Variants in ARHGAP28 observed in about 807,000 individuals in gnomAD.
ARHGAP28 encodes the protein Rho GTPase activating protein 28.
Under a neutral mutation model 90.7 loss-of-function variants are expected in ARHGAP28, and 56 were observed. The ratio of observed to expected loss-of-function variants is 0.62; its 90% CI spans 0.50 to 0.77. The LOEUF (loss-of-function observed/expected upper bound fraction) is 0.77, where lower values mean the gene tolerates loss of function less well. ARHGAP28 is among the 30% of genes least tolerant of loss of function. ARHGAP28 has a pLI of 0.00. For synonymous variants in ARHGAP28, 308 were observed against 323.3 expected, an observed-to-expected ratio of 0.95 and a Z score of 0.51; for missense variants, 869 against 900.9, an observed-to-expected ratio of 0.96 and a Z score of 0.45.
chr18:6,732,588 T>C (rs2055891860), intron 1 of ARHGAP28, among the ~76,000 whole-genome samples: 1 of 152,220 alleles, frequency 6.6e-6, no homozygotes, highest in African/African-American at 2.4e-5. Flanking sequence ...TCATGGGGGC[T>C]GCTGTGCTTG....
chr18:6,748,537 A>T (rs2056043484), intron 1 of ARHGAP28, among the ~76,000 whole-genome samples: 2 of 152,138 alleles, frequency 1.3e-5, no homozygotes, highest in South Asian at 4.1e-4. Flanking sequence ...TGTGGCTTGG[A>T]TGTTTCTGGC....
intron 5 of ARHGAP28, among the ~76,000 whole-genome samples, chr18:6,861,789 C>T (rs1278067380): frequency 2.0e-5 from 3 of 152,144 alleles, no homozygotes; most frequent in East Asian, 1.9e-4. Flanking sequence ...TTCTTCGCAT[C>T]GTTGGTTCAT....
intron 1 of ARHGAP28, among the ~76,000 whole-genome samples, chr18:6,763,179 C>T (rs2056175274): frequency 6.6e-6 from 1 of 152,074 alleles, no homozygotes; most frequent in African/African-American, 2.4e-5. Context: ...CAACTTCTGC[C>T]TCAAGCGATT....
Position 6,848,131 on chromosome 18 carries a change from G to A in ARHGAP28, c.544-2903G>A, listed in dbSNP as rs116642470. Among the ~76,000 whole-genome samples, 610 of 152,202 alleles carry A rather than the reference G, an allele frequency of 4.0e-3. 4 individuals are homozygous for A. Among genetic ancestry groups the A allele is most frequent in the African/African-American group, 0.014 (572 of 41,510 alleles). On this transcript the variant is annotated intron_variant, in intron 3 of 17. Transcript: ENST00000383472. Reference sequence around the variant, plus strand: ...TCATATTGTTTGCACAAAGAGTTTAGGATCCATGAGCCAGTCATAACATTG... The same window carrying A: ...TCATATTGTTTGCACAAAGAGTTTAAGATCCATGAGCCAGTCATAACATTG...
At chr18:6,785,439 T>C (rs1347806281) in intron 1 of ARHGAP28, among the ~76,000 whole-genome samples, 2 of 152,320 alleles carry the variant, frequency 1.3e-5, no homozygotes, top group East Asian at 3.9e-4. Flanking sequence ...GTTCCTTCTT[T>C]CCACCTCCAA....
At chr18:6,749,407 G>A (rs2056050820) in intron 1 of ARHGAP28, among the ~76,000 whole-genome samples, 1 of 152,144 alleles carries the variant, frequency 6.6e-6, no homozygotes, top group Non-Finnish European at 1.5e-5. Context: ...TGCTTTGATT[G>A]CATATAACCT....
At chr18:6,743,898 A>G (rs1454074627) in intron 1 of ARHGAP28, among the ~76,000 whole-genome samples, 2 of 152,216 alleles carry the variant, frequency 1.3e-5, no homozygotes, top group Non-Finnish European at 2.9e-5. Flanking sequence ...TGAGAAATGT[A>G]TTCATGATTA....
intron 1 of ARHGAP28, among the ~76,000 whole-genome samples, chr18:6,822,057 GTGTC>G (rs1028041588): frequency 6.6e-6 from 1 of 151,942 alleles, no homozygotes; most frequent in Admixed American, 6.6e-5. Context: ...TTGAAAAAAA[GTGTC>G]TGCATGTTTT....
chr18:6,794,021 CT>C (rs1201489078), intron 1 of ARHGAP28, among the ~76,000 whole-genome samples: 1 of 152,032 alleles, frequency 6.6e-6, no homozygotes, highest in Non-Finnish European at 1.5e-5. Flanking sequence ...CACCATTAAA[CT>C]TTTTCCAGTT....
intron 1 of ARHGAP28, among the ~76,000 whole-genome samples, chr18:6,793,590 A>C (rs2056420961): frequency 6.6e-6 from 1 of 152,000 alleles, no homozygotes; most frequent in Non-Finnish European, 1.5e-5. Flanking sequence ...TTCCCTATTC[A>C]CCCTTTTCCC....
chr18:6,843,649 G>C (rs1600238616), intron 3 of ARHGAP28, among the ~76,000 whole-genome samples: 1 of 152,198 alleles, frequency 6.6e-6, no homozygotes, highest in Admixed American at 6.5e-5. Flanking sequence ...ACAGGAGAAG[G>C]TAGCCTGTGC....
chr18:6,829,533 A>G (rs189842358), intron 2 of ARHGAP28, among the ~76,000 whole-genome samples: 11 of 152,306 alleles, frequency 7.2e-5, no homozygotes, highest in Admixed American at 3.3e-4. Flanking sequence ...AAGCATTTGC[A>G]CAGATCTTAA....
chr18:6,879,306 C>G (rs990796538), intron 10 of ARHGAP28, among the ~76,000 whole-genome samples: 23 of 152,164 alleles, frequency 1.5e-4, no homozygotes, highest in African/African-American at 5.6e-4. Flanking sequence ...CATTCCAAGG[C>G]TGTTCTAAAT....
At chr18:6,895,975 A>C (rs1287272130) in intron 15 of ARHGAP28, among the ~76,000 whole-genome samples, 2 of 152,136 alleles carry the variant, frequency 1.3e-5, no homozygotes, top group African/African-American at 4.8e-5. Flanking sequence ...TCCCACAGCC[A>C]CCTACACTGC....
chr18:6,827,123 G>A (rs989945113), intron 2 of ARHGAP28, among the ~76,000 whole-genome samples: 4 of 152,304 alleles, frequency 2.6e-5, no homozygotes, highest in East Asian at 1.9e-4. Flanking sequence ...CGATTTCTCA[G>A]TCTCTTCCCC....
At chr18:6,781,843 A>T (rs1484384096) in intron 1 of ARHGAP28, among the ~76,000 whole-genome samples, 1 of 152,132 alleles carries the variant, frequency 6.6e-6, no homozygotes, top group East Asian at 1.9e-4. Flanking sequence ...TCTTTTCAAA[A>T]CTATTTTTGT....
chr18:6,869,253 C>CT (rs61280250), intron 6 of ARHGAP28, among the ~76,000 whole-genome samples: 459 of 67,730 alleles, frequency 6.8e-3, no homozygotes, highest in East Asian at 0.017. Context: ...TTTTGCCATT[C>CT]TTTTTTTTTT....
chr18:6,851,362 C>CAT (rs773290011), intron 4 of ARHGAP28, among the ~76,000 whole-genome samples: 5,532 of 151,990 alleles, frequency 0.036, 116 homozygotes, highest in Non-Finnish European at 0.056. Flanking sequence ...TATGGAAATG[C>CAT]GAAGAAAGCC....
chr18:6,879,692 C>T (rs1444137416), intron 10 of ARHGAP28, among the ~76,000 whole-genome samples: 1 of 152,220 alleles, frequency 6.6e-6, no homozygotes, highest in African/African-American at 2.4e-5. Flanking sequence ...AGTAATGACA[C>T]TGCAGGTTAG....
Sources: gnomAD v4.1 joint callset for allele counts (sites outside exome capture counted in the v4.1 genomes callset) on GRCh38, gnomAD v4.1.1 for gene constraint, MANE v1.5 for transcripts, NCBI Gene and HGNC (gene_info 2026-07-23, HGNC 2026-07-21) for gene names.